ZDHHC7: variants seen among roughly 807,000 people sequenced by gnomAD.
ZDHHC7 encodes zDHHC palmitoyltransferase 7.
A neutral mutation model predicts 34.1 loss-of-function variants in ZDHHC7; 12 were observed. The ratio of observed to expected loss-of-function variants is 0.35; its 90% CI spans 0.23 to 0.57. The LOEUF (loss-of-function observed/expected upper bound fraction) is 0.57, where lower values mean the gene tolerates loss of function less well. Ranked by LOEUF, ZDHHC7 falls within the 20% of genes least tolerant of loss-of-function variation. The pLI is 0.84. For synonymous variants in ZDHHC7, 185 were observed against 155.4 expected, an observed-to-expected ratio of 1.19 and a Z score of -1.42; for missense variants, 388 against 402.7, an observed-to-expected ratio of 0.96 and a Z score of 0.31.
At chr16:85,024,737 TCTCCA>T in the ZDHHC7 span, among the ~76,000 whole-genome samples, 1 of 152,178 alleles carries the variant, frequency 6.6e-6, no homozygotes, top group African/African-American at 2.4e-5. Flanking sequence ...GTTCCCTTGC[TCTCCA>T]CTCAAGTAGT....
In ZDHHC7 at chr16:84,976,216, G is replaced by C. The variant is rs2072294734; in HGVS notation, c.*127C>G. On this transcript the variant is annotated 3_prime_UTR_variant, in exon 8 of 8. Coordinates refer to ENST00000313732, the MANE Select transcript of ZDHHC7 (RefSeq NM_017740.3). ...ACTATAAATATATAAAACTCTGCTT[G>C]CTGCAAGCAATTGGTTTGTGTAGGT... 2.5e-6 allele frequency: 3 copies of C among 1,197,720 alleles called. No homozygotes were observed. The highest frequency in any genetic ancestry group is 1.5e-5 in the African/African-American group (1 of 64,538). 74.2% of individuals were successfully genotyped at this position (1,197,720 alleles called of 1,614,324 possible).
chr16:84,988,719 C>T (rs1420044774), intron 3 of ZDHHC7: 1 of 1,534,082 alleles, frequency 6.5e-7, no homozygotes, highest in Non-Finnish European at 8.8e-7. Flanking sequence ...GCTGAGGACT[C>T]CCAGCCAGGC....
At chr16:85,013,149 C>T (rs1325692215), upstream of ZDHHC7, among the ~76,000 whole-genome samples, 1 of 152,158 alleles carries the variant, frequency 6.6e-6, no homozygotes, top group Non-Finnish European at 1.5e-5. Context: ...AGTTTCTTCC[C>T]ATATATAAAC....
the ZDHHC7 span, among the ~76,000 whole-genome samples, chr16:85,027,412 G>A: frequency 6.6e-6 from 1 of 152,144 alleles, no homozygotes; most frequent in Non-Finnish European, 1.5e-5. Context: ...CCGAGGGCCA[G>A]GAAACAACTA....
the ZDHHC7 span, among the ~76,000 whole-genome samples, chr16:85,020,304 T>G: frequency 6.6e-6 from 1 of 152,212 alleles, no homozygotes; most frequent in African/African-American, 2.4e-5. Flanking sequence ...CTCATATTTA[T>G]TCATTCAACA....
chr16:85,006,662 C>T (rs2072720912), intron 1 of ZDHHC7, among the ~76,000 whole-genome samples: 1 of 152,148 alleles, frequency 6.6e-6, no homozygotes, highest in African/African-American at 2.4e-5. Context: ...ATCGCTTCAG[C>T]CCAGGAGGTT....
chr16:85,021,040 G>C, the ZDHHC7 span, among the ~76,000 whole-genome samples: 1 of 151,952 alleles, frequency 6.6e-6, no homozygotes, highest in African/African-American at 2.4e-5. Flanking sequence ...AGGAGGTCAA[G>C]GCTGCAGTAA....
the ZDHHC7 span, among the ~76,000 whole-genome samples, chr16:85,022,739 A>G: frequency 6.6e-6 from 1 of 152,230 alleles, no homozygotes; most frequent in East Asian, 1.9e-4. Flanking sequence ...TTGGTCAAGC[A>G]TAGTATCACC....
At chr16:85,023,197 C>T in the ZDHHC7 span, among the ~76,000 whole-genome samples, 1 of 143,812 alleles carries the variant, frequency 7.0e-6, no homozygotes, top group African/African-American at 2.6e-5. Context: ...GACGAAGTAT[C>T]GCTCTGTCGC....
chr16:85,009,701 C>CTTTTTTTT (rs200213740), intron 1 of ZDHHC7, among the ~76,000 whole-genome samples: 2 of 132,314 alleles, frequency 1.5e-5, no homozygotes, highest in Non-Finnish European at 1.6e-5. Context: ...CAAGTTCTGA[C>CTTTTTTTT]TTTTTTTCTT....
At chr16:85,016,060 C>T (rs188650446), upstream of ZDHHC7, among the ~76,000 whole-genome samples, 35 of 152,254 alleles carry the variant, frequency 2.3e-4, no homozygotes, top group Non-Finnish European at 2.1e-4. Flanking sequence ...TTTCCACCCC[C>T]CCAACCACGT....
At chr16:84,984,812 C>T (rs1365271883) in intron 3 of ZDHHC7, among the ~76,000 whole-genome samples, 1 of 152,128 alleles carries the variant, frequency 6.6e-6, no homozygotes, top group East Asian at 1.9e-4. Flanking sequence ...CTATCACCTA[C>T]ATTTTCATCC....
chr16:85,018,496 A>G, the ZDHHC7 span, among the ~76,000 whole-genome samples: 2 of 151,670 alleles, frequency 1.3e-5, no homozygotes, highest in African/African-American at 2.4e-5. Context: ...TGCCCAGGCT[A>G]GAGTGCAATG....
chr16:85,024,230 G>GAT, the ZDHHC7 span, among the ~76,000 whole-genome samples: 2 of 108,730 alleles, frequency 1.8e-5, no homozygotes, highest in African/African-American at 7.2e-5. Flanking sequence ...AGAGTTTTTT[G>GAT]TTTTTTTTTT....
intron 3 of ZDHHC7, among the ~76,000 whole-genome samples, chr16:84,989,655 T>A (rs11648697): frequency 1.4e-5 from 2 of 140,488 alleles, no homozygotes; most frequent in Non-Finnish European, 3.0e-5. Context: ...AGATCGCACA[T>A]TGCACTCCAG....
rs1057488931 is a variant in ZDHHC7, at chr16:84,979,920, T to G, written c.441-635A>C. The stretch of plus-strand genomic sequence containing the variant: ...CAGACATCGATGGCAGCAGGTTCGC[T>G]GCAGGCAGACTTGCTATCATAGCGT... On this transcript the variant is annotated intron_variant, in intron 4 of 7. Transcript: ENST00000313732. Among the ~76,000 whole-genome samples the G allele has an allele frequency of 4.0e-5, 6 of 150,944 alleles. No individual in the cohort carries two copies. In the South Asian group the frequency reaches 8.4e-4, roughly 21 times the overall value.
chr16:85,022,592 G>A, the ZDHHC7 span, among the ~76,000 whole-genome samples: 1 of 152,116 alleles, frequency 6.6e-6, no homozygotes, highest in Admixed American at 6.6e-5. Flanking sequence ...ATTAATGGAT[G>A]CTAAACCACT....
chr16:84,990,249 C>G, intron 3 of ZDHHC7, 55 bp downstream of exon 3: 1 of 1,578,658 alleles, frequency 6.3e-7, no homozygotes, highest in Non-Finnish European at 8.6e-7. Flanking sequence ...CAGCCACACC[C>G]GAGGACACTA....
intron 5 of ZDHHC7, among the ~76,000 whole-genome samples, chr16:84,978,514 G>C (rs540952348): frequency 1.2e-4 from 18 of 152,132 alleles, no homozygotes; most frequent in Non-Finnish European, 2.5e-4. Context: ...CGGGCAGATG[G>C]CTTGAGCTCA....
Sources: allele counts gnomAD v4.1 joint callset (sites outside exome capture counted in the v4.1 genomes callset), GRCh38; gene constraint gnomAD v4.1.1; transcripts MANE v1.5; gene names NCBI Gene and HGNC (gene_info 2026-07-23, HGNC 2026-07-21).